Variants in MTUS1 observed in about 807,000 individuals in gnomAD.
MTUS1 encodes microtubule-associated tumor suppressor 1.
In MTUS1, 109 loss-of-function variants were observed where a neutral mutation model predicts 120.8. The ratio of observed to expected loss-of-function variants is 0.90; its 90% CI spans 0.77 to 1.06. MTUS1 has a LOEUF of 1.06. Among genes scored for constraint, MTUS1 ranks in the 50% least tolerant of loss-of-function variants. MTUS1 has a pLI of 0.00. For missense variants in MTUS1, 2,210 were observed against 1,486.3 expected (o/e 1.49, Z -8.01); for synonymous variants, 737 against 550.5 (o/e 1.34, Z -4.74).
chr8:17,769,064 G>GT (rs2049802195), intron 1 of MTUS1, among the ~76,000 whole-genome samples: 1 of 152,002 alleles, frequency 6.6e-6, no homozygotes, highest in Admixed American at 6.6e-5. Flanking sequence ...CTGCTTGGGG[G>GT]TGGAGGAGCA....
rs1244414862 is a variant in MTUS1, at chr8:17,745,281, T to C, written c.2092-1482A>G. ...ATCAAAATCCATGGACACTCAAATC[T>C]CTTATATGAAATGGTGTAGGGTTTG... On this transcript the variant is annotated intron_variant, in intron 2 of 14. Transcript: ENST00000693296. Among the ~76,000 whole-genome samples, 2 of 152,184 alleles carry C rather than the reference T, an allele frequency of 1.3e-5. 1 individual carries two copies. The highest frequency in any genetic ancestry group is 4.1e-4 in the South Asian group (2 of 4,830).
At position 17,655,931 on chromosome 8, in the gene MTUS1, C is replaced by T. The variant is rs181040560; in HGVS notation, c.3040G>A (p.Glu1014Lys). 1.3e-5 allele frequency: 21 copies of T among 1,614,192 alleles called. No individual in the cohort carries two copies. The East Asian group carries it at 3.6e-4, about 27-fold the overall frequency. Reference protein sequence around the residue: ...ENRLKEFYTREYEKLRDTYIE... With the variant: ...ENRLKEFYTRKYEKLRDTYIE... Reference sequence around the variant, plus strand: ...TAAGTGTCCCGAAGCTTTTCATACTCCCTGGTGTAAAACTCTTTAAGCCGA... The same window carrying T: ...TAAGTGTCCCGAAGCTTTTCATACTTCCTGGTGTAAAACTCTTTAAGCCGA... Residue 1014 changes from glutamate (E) to lysine (K), a missense_variant, in exon 9 of 15, where the codon GAG (glutamate) becomes AAG (lysine). By Grantham distance (56) the Glu-to-Lys change is moderately conservative. Transcript: ENST00000693296.
At chr8:17,713,120 T>C (rs1821658324) in intron 6 of MTUS1, 94 bp downstream of exon 6, 6 of 1,020,996 alleles carry the variant, frequency 5.9e-6, no homozygotes, top group Non-Finnish European at 9.0e-6. Context: ...ATTCTACTTA[T>C]AAGCACACCA....
Position 17,649,837 on chromosome 8 carries a change from G to A in MTUS1, c.3501+9C>T, listed in dbSNP as rs1156970846. 2.1e-6 allele frequency: 3 copies of A among 1,432,996 alleles called. No homozygotes were observed. Among genetic ancestry groups the A allele is most frequent in the South Asian group, 1.1e-5 (1 of 87,222 alleles). 88.8% of individuals were successfully genotyped at this position (1,432,996 alleles called of 1,614,324 possible). ...TGTAAGATCCTCTTTCATTCTGAAG[G>A]AAACATACCAGTTTCTCCATTTTCA... is the stretch of plus-strand genomic sequence containing the variant. On this transcript the variant is annotated intron_variant, in intron 13 of 14. Coordinates refer to ENST00000693296, the MANE Select transcript of MTUS1 (RefSeq NM_001363059.2).
At chr8:17,751,934 T>G (rs79711192) in intron 2 of MTUS1, among the ~76,000 whole-genome samples, 1 of 148,408 alleles carries the variant, frequency 6.7e-6, no homozygotes, top group Non-Finnish European at 1.5e-5. Context: ...GATAAGCATA[T>G]GCGAATATGG....
chr8:17,711,708 A>ATTCT (rs1821336401), intron 6 of MTUS1, among the ~76,000 whole-genome samples: 1 of 152,214 alleles, frequency 6.6e-6, no homozygotes, highest in Non-Finnish European at 1.5e-5. Context: ...TTGGCACAAG[A>ATTCT]GACCTGGCTT....
intron 7 of MTUS1, among the ~76,000 whole-genome samples, chr8:17,678,815 C>G (rs966286743): frequency 2.6e-5 from 4 of 151,448 alleles, no homozygotes; most frequent in African/African-American, 9.7e-5. Flanking sequence ...TGACCTCAGC[C>G]CTGTTCAAGT....
At chr8:17,758,964 G>A (rs1344796766) in intron 1 of MTUS1, among the ~76,000 whole-genome samples, 2 of 152,190 alleles carry the variant, frequency 1.3e-5, no homozygotes, top group East Asian at 1.9e-4. Flanking sequence ...TCACTGCAAC[G>A]TCCGCCTCCC....
intron 6 of MTUS1, among the ~76,000 whole-genome samples, chr8:17,698,654 C>T (rs995918724): frequency 1.3e-5 from 2 of 152,052 alleles, no homozygotes; most frequent in Admixed American, 1.3e-4. Flanking sequence ...TTTAGAAATT[C>T]TATAGAGTAG....
intron 3 of MTUS1, among the ~76,000 whole-genome samples, chr8:17,737,875 T>C (rs912562498): frequency 6.6e-6 from 1 of 152,178 alleles, no homozygotes; most frequent in African/African-American, 2.4e-5. Context: ...TCTCTCATAA[T>C]TTTGCTTACT....
At chr8:17,744,133 A>C (rs1200299679) in intron 2 of MTUS1, among the ~76,000 whole-genome samples, 1 of 152,144 alleles carries the variant, frequency 6.6e-6, no homozygotes. Context: ...TTACCCCAAA[A>C]TATTTTTCTT....
intron 7 of MTUS1, among the ~76,000 whole-genome samples, chr8:17,683,759 G>A (rs1174096721): frequency 6.6e-6 from 1 of 152,170 alleles, no homozygotes; most frequent in African/African-American, 2.4e-5. Context: ...TTTTCTCAAT[G>A]AATTTTAGCC....
intron 6 of MTUS1, among the ~76,000 whole-genome samples, chr8:17,689,162 G>T (rs1025026665): frequency 2.6e-5 from 4 of 152,098 alleles, no homozygotes; most frequent in Non-Finnish European, 5.9e-5. Context: ...AGTGAGCCGA[G>T]ATCACGCCAC....
chr8:17,732,661 T>C (rs1342772705), intron 3 of MTUS1, among the ~76,000 whole-genome samples: 7 of 152,200 alleles, frequency 4.6e-5, no homozygotes, highest in East Asian at 3.9e-4. Flanking sequence ...ATCATTTCTA[T>C]GTAACTGAGT....
chr8:17,649,930 C>T lies in MTUS1; in HGVS notation c.3417G>A (p.Glu1139=), dbSNP rs1399958119. 1.2e-6 allele frequency: 2 copies of T among 1,609,894 alleles called. No homozygotes were observed. Among genetic ancestry groups the T allele is most frequent in the Admixed American group, 1.7e-5 (1 of 60,004 alleles). The part of the protein sequence containing the change: ...KNPQIMYLEQ[E]LESLKAVLEI... Reference sequence around the variant, plus strand: ...CTAACACAGCTTTCAGGCTTTCTAACTCCTGTTCTAGATACATGATCTGAG... The same window carrying T: ...CTAACACAGCTTTCAGGCTTTCTAATTCCTGTTCTAGATACATGATCTGAG... Residue 1139 remains glutamate (E), a synonymous_variant, in exon 13 of 15, where the codon GAG becomes GAA. Coordinates refer to ENST00000693296, the MANE Select transcript of MTUS1 (RefSeq NM_001363059.2).
At position 17,675,266 on chromosome 8, in the gene MTUS1, A is replaced by G. The variant is rs377438132; in HGVS notation, c.2839-14T>C. The G allele has an allele frequency of 4.4e-4, 708 of 1,613,298 alleles. 1 individual carries two copies. The highest frequency in any genetic ancestry group is 5.2e-4 in the Non-Finnish European group (609 of 1,179,426). ...TGCTTCCTCCCGCTGCGGAAAACAC[A>G]CATCAAGTTACTCATGCTTTCAAGA... On this transcript the variant is annotated splice_polypyrimidine_tract_variant and intron_variant, in intron 7 of 14. Coordinates refer to ENST00000693296, the MANE Select transcript of MTUS1 (RefSeq NM_001363059.2).
In MTUS1 at chr8:17,646,020, C is replaced by G. The variant is rs1338297356; in HGVS notation, c.3719G>C (p.Cys1240Ser). ...GGATGTGGGGGATCTCTTGGGGCTA[C>G]ACAGGTCCCCATTGTGCAGTTTCCA... ...LLWKLHNGDL[C>S]SPKRSPTSSA... The change falls in exon 15 of 15, where the codon TGT becomes TCT. Residue 1240 changes from cysteine (C) to serine (S), a missense_variant. Physicochemically the swap from Cys to Ser is moderately radical, Grantham distance 112. Coordinates refer to ENST00000693296, the MANE Select transcript of MTUS1 (RefSeq NM_001363059.2). The G allele has an allele frequency of 6.2e-7, 1 of 1,613,688 alleles. No individual in the cohort carries two copies. The highest frequency in any genetic ancestry group is 1.7e-5 in the Admixed American group (1 of 59,978).
intron 1 of MTUS1, among the ~76,000 whole-genome samples, chr8:17,773,643 C>A (rs574790642): frequency 6.6e-6 from 1 of 152,250 alleles, no homozygotes; most frequent in African/African-American, 2.4e-5. Flanking sequence ...CAGCTCAGGT[C>A]TCTCTTCTTA....
At position 17,648,456 on chromosome 8, in the gene MTUS1, G is replaced by T. The variant is rs552418775; in HGVS notation, c.3502-1377C>A. On this transcript the variant is annotated intron_variant, in intron 13 of 14. Coordinates refer to ENST00000693296, the MANE Select transcript of MTUS1 (RefSeq NM_001363059.2). ...AAGTTTTGATGCATGAATGGCATAT[G>T]GAGCAGTCCTATTAACAGGATCATC... 2.6e-5 allele frequency among the ~76,000 whole-genome samples: 4 copies of T among 152,304 alleles called. No homozygotes were observed. The South Asian group carries it at 8.3e-4, about 32-fold the overall frequency.
Sources: gnomAD v4.1 joint callset for allele counts (sites outside exome capture counted in the v4.1 genomes callset) on GRCh38, gnomAD v4.1.1 for gene constraint, MANE v1.5 for transcripts, NCBI Gene and HGNC (gene_info 2026-07-23, HGNC 2026-07-21) for gene names.